The following DMD variants were observed in gnomAD, a reference collection of about 807,000 sequenced individuals.
DMD encodes the protein mutant dystrophin.
In DMD, 63 loss-of-function variants were observed where a neutral mutation model predicts 330.1. The ratio of observed to expected loss-of-function variants is 0.19; its 90% CI spans 0.16 to 0.24. The LOEUF (loss-of-function observed/expected upper bound fraction) is 0.24, where lower values mean the gene tolerates loss of function less well. Ranked by LOEUF, DMD falls within the 10% of genes least tolerant of loss-of-function variation. The pLI, the probability that DMD is intolerant of heterozygous loss-of-function variation, is 1.00. For synonymous variants in DMD, 1,223 were observed against 959.8 expected, an observed-to-expected ratio of 1.27 and a Z score of -5.07; for missense variants, 3,344 against 2,684.1, an observed-to-expected ratio of 1.25 and a Z score of -5.43.
At chrX:32,805,487 A>G (rs1328937768) in intron 7 of DMD, among the ~76,000 whole-genome samples, 4 of 112,249 alleles carry the variant, frequency 3.6e-5, no homozygotes, top group African/African-American at 1.3e-4. Flanking sequence ...CCTAAGTTTG[A>G]TTAGTATACC....
chrX:32,691,607 C>A (rs2063286849), intron 9 of DMD, among the ~76,000 whole-genome samples: 1 of 110,984 alleles, frequency 9.0e-6, no homozygotes, highest in Admixed American at 9.6e-5. Context: ...AGTTGCTCCT[C>A]AAAAATTAAA....
chrX:31,223,145 C>T (rs774770156), intron 63 of DMD, 24 bp from the exon 64 acceptor site: 10 of 1,174,277 alleles, frequency 8.5e-6, no homozygotes, highest in Middle Eastern at 2.3e-4. Flanking sequence ...AAACAAAGAG[C>T]ATTTGTTATT....
chrX:32,776,166 T>C (rs748830105), intron 7 of DMD, among the ~76,000 whole-genome samples: 1 of 111,330 alleles, frequency 9.0e-6, no homozygotes, highest in East Asian at 2.9e-4. Flanking sequence ...CATCTCCATC[T>C]GAGACTATCT....
intron 13 of DMD, among the ~76,000 whole-genome samples, chrX:32,579,628 A>C (rs2053439023): frequency 8.9e-6 from 1 of 112,895 alleles, no homozygotes; most frequent in African/African-American, 3.2e-5. Context: ...GACTAGATTT[A>C]ACATTTAATC....
At chrX:32,409,493 A>G (rs2098133159) in intron 30 of DMD, among the ~76,000 whole-genome samples, 1 of 111,515 alleles carries the variant, frequency 9.0e-6, no homozygotes, top group South Asian at 3.7e-4. Context: ...TCCTGAATCC[A>G]TTTCTAAATA....
chrX:31,524,097 C>T (rs1239426584), intron 55 of DMD, among the ~76,000 whole-genome samples: 1 of 112,018 alleles, frequency 8.9e-6, no homozygotes, highest in Non-Finnish European at 1.9e-5. Flanking sequence ...ATTTTGGCAA[C>T]TATAAATTCA....
At chrX:33,073,832 C>CAGAT (rs2094796801) in intron 1 of DMD, among the ~76,000 whole-genome samples, 1 of 99,297 alleles carries the variant, frequency 1.0e-5, no homozygotes, top group South Asian at 5.0e-4. Context: ...AACTCTGTCT[C>CAGAT]AAATAAATAA....
intron 55 of DMD, among the ~76,000 whole-genome samples, chrX:31,601,158 T>C (rs1664883751): frequency 8.9e-6 from 1 of 112,274 alleles, no homozygotes; most frequent in Non-Finnish European, 1.9e-5. Context: ...ATACCGATGT[T>C]GATTGCTATC....
At chrX:31,936,404 T>C (rs978378703) in intron 45 of DMD, among the ~76,000 whole-genome samples, 2 of 111,709 alleles carry the variant, frequency 1.8e-5, no homozygotes, top group African/African-American at 3.2e-5. Context: ...TTATAATTGA[T>C]ATACCAATAA....
intron 1 of DMD, among the ~76,000 whole-genome samples, chrX:33,310,142 T>C (rs934784160): frequency 3.6e-5 from 4 of 111,115 alleles, no homozygotes; most frequent in African/African-American, 1.3e-4. Flanking sequence ...TCAAATAACT[T>C]ATAAAATAGC....
rs1314407787 is a variant in DMD at position 31,746,170 on chromosome X, T to C, written c.7543-16422A>G. On this transcript the variant is annotated intron_variant, in intron 51 of 78. Transcript: ENST00000357033. ...TCATTTAAGTACTGAAACAAAACCATGCTTTTTATTTCTAACGGCAGCCAT... is the reference window on the plus strand; with the variant it reads ...TCATTTAAGTACTGAAACAAAACCACGCTTTTTATTTCTAACGGCAGCCAT... Among the ~76,000 whole-genome samples the C allele has an allele frequency of 3.6e-5, 4 of 112,421 alleles. No homozygotes were observed. In the East Asian group the frequency reaches 1.1e-3, roughly 31 times the overall value.
intron 11 of DMD, among the ~76,000 whole-genome samples, chrX:32,617,332 C>G (rs1167727358): frequency 9.0e-6 from 1 of 111,310 alleles, no homozygotes; most frequent in African/African-American, 3.3e-5. Flanking sequence ...GAAATTCTGC[C>G]ATAGTAACCA....
chrX:31,166,276 C>T (rs1341202568), intron 74 of DMD, among the ~76,000 whole-genome samples: 1 of 111,113 alleles, frequency 9.0e-6, no homozygotes, highest in Non-Finnish European at 1.9e-5. Context: ...AAACAGCCAT[C>T]CTCTGTTTTT....
At chrX:31,307,940 G>A (rs2222853) in intron 62 of DMD, among the ~76,000 whole-genome samples, 24,841 of 110,466 alleles carry the variant, frequency 0.22, 2,072 homozygotes, top group Admixed American at 0.3. Context: ...GGCAGGGGCG[G>A]GGGTATGGTT....
intron 53 of DMD, among the ~76,000 whole-genome samples, chrX:31,662,417 G>A (rs1341484026): frequency 9.0e-6 from 1 of 111,480 alleles, no homozygotes; most frequent in Non-Finnish European, 1.9e-5. Flanking sequence ...CTGTTTTATG[G>A]ACATTGTCTA....
intron 76 of DMD, among the ~76,000 whole-genome samples, chrX:31,144,287 G>A: frequency 9.0e-6 from 1 of 111,417 alleles, no homozygotes; most frequent in Middle Eastern, 4.6e-3. Context: ...ATCTACCACT[G>A]TCGTCAGGAT....
At chrX:31,964,626 T>C (rs1035723620) in intron 45 of DMD, among the ~76,000 whole-genome samples, 3 of 108,167 alleles carry the variant, frequency 2.8e-5, no homozygotes, top group African/African-American at 1.0e-4. Flanking sequence ...TGTGTGTGTG[T>C]GATGCCCTAT....
intron 42 of DMD, among the ~76,000 whole-genome samples, chrX:32,305,787 A>G (rs1314206615): frequency 9.1e-6 from 1 of 110,479 alleles, no homozygotes; most frequent in Non-Finnish European, 1.9e-5. Flanking sequence ...CCATATCCTC[A>G]TCTCTTTCTA....
intron 2 of DMD, among the ~76,000 whole-genome samples, chrX:32,896,790 T>A (rs1191957300): frequency 8.9e-6 from 1 of 112,677 alleles, no homozygotes; most frequent in Non-Finnish European, 1.9e-5. Context: ...TTTGCCACAT[T>A]AAATGCATTA....
Sources: gnomAD v4.1 joint callset for allele counts (sites outside exome capture counted in the v4.1 genomes callset) on GRCh38, gnomAD v4.1.1 for gene constraint, MANE v1.5 for transcripts, NCBI Gene and HGNC (gene_info 2026-07-23, HGNC 2026-07-21) for gene names.